Variants in RBP2 observed in about 807,000 individuals in gnomAD.
RBP2 encodes retinol binding protein 2.
A neutral mutation model predicts 17.0 loss-of-function variants in RBP2; 17 were observed. The ratio of observed to expected loss-of-function variants is 1.00; its 90% CI spans 0.68 to 1.50. The LOEUF is 1.50. Ranked by LOEUF, RBP2 falls within the 40% of genes most tolerant of loss-of-function variation. The pLI is 0.00. For missense variants in RBP2, 158 were observed against 168.2 expected (o/e 0.94, Z 0.33); for synonymous variants, 48 against 57.1 (o/e 0.84, Z 0.72).
intron 1 of RBP2, among the ~76,000 whole-genome samples, chr3:139,467,065 A>T (rs1277230958): frequency 6.6e-6 from 1 of 152,164 alleles, no homozygotes; most frequent in Admixed American, 6.5e-5. Context: ...CTCTATGAGG[A>T]CAAGGACAAT....
chr3:139,476,393 C>G lies in RBP2; in HGVS notation c.67G>C (p.Ala23Pro), dbSNP rs147339826. The G allele has an allele frequency of 6.2e-7, 1 of 1,613,810 alleles. No individual in the cohort carries two copies. The highest frequency in any genetic ancestry group is 1.3e-5 in the African/African-American group (1 of 74,886). ...TCCCCAGTCTCCTCCTTACCCAGGGCCTTCATGTAGCCCTCAAAGTTTTCA... is the reference window on the plus strand; with the variant it reads ...TCCCCAGTCTCCTCCTTACCCAGGGGCTTCATGTAGCCCTCAAAGTTTTCA... ...SNENFEGYMK[A>P]LDIDFATRKI... The change falls in exon 1 of 4, where the codon GCC becomes CCC. Residue 23 changes from alanine to proline, a missense_variant. Physicochemically the swap from Ala to Pro is conservative, Grantham distance 27 (BLOSUM62 -1). Coordinates refer to ENST00000232217, the MANE Select transcript of RBP2 (RefSeq NM_004164.3).
At chr3:139,474,223 T>TACAAAGCCA (rs1933654706) in intron 1 of RBP2, among the ~76,000 whole-genome samples, 1 of 152,236 alleles carries the variant, frequency 6.6e-6, no homozygotes, top group Non-Finnish European at 1.5e-5. Flanking sequence ...GTGAGCCCCT[T>TACAAAGCCA]ACTCACATTA....
chr3:139,462,342 C>A, intron 1 of RBP2, 52 bp from the exon 2 acceptor site: 1 of 1,569,370 alleles, frequency 6.4e-7, no homozygotes, highest in Non-Finnish European at 8.8e-7. Flanking sequence ...CAGACTCATT[C>A]ATTTCGTTAA....
chr3:139,471,149 A>G (rs950781548), intron 1 of RBP2, among the ~76,000 whole-genome samples: 1 of 152,172 alleles, frequency 6.6e-6, no homozygotes, highest in African/African-American at 2.4e-5. Context: ...CTCATTTCCC[A>G]CTATATCTCC....
At chr3:139,469,738 T>C (rs1428506982) in intron 1 of RBP2, among the ~76,000 whole-genome samples, 2 of 151,978 alleles carry the variant, frequency 1.3e-5, no homozygotes, top group African/African-American at 2.4e-5. Flanking sequence ...TCTATCTACC[T>C]ACTCATTTTC....
At chr3:139,457,602 TA>T (rs1933019230) in intron 2 of RBP2, among the ~76,000 whole-genome samples, 1 of 152,208 alleles carries the variant, frequency 6.6e-6, no homozygotes, top group Non-Finnish European at 1.5e-5. Context: ...TACTCCTATA[TA>T]AAAATAAGAA....
rs142708348 is a variant in RBP2 at position 139,462,132 on chromosome 3, G to A, written c.232C>T (p.Leu78=). Residue 78 remains leucine, a synonymous_variant, in exon 2 of 4, where the codon CTG becomes TTG. Transcript: ENST00000232217. The part of the protein sequence containing the change: ...GVEFDEYTKS[L]DNRHVKALVT... ...AGTACCTTAACATGCCGGTTATCCAGGCTCTTTGTGTACTCGTCAAACTCT... is the reference window on the plus strand; with the variant it reads ...AGTACCTTAACATGCCGGTTATCCAAGCTCTTTGTGTACTCGTCAAACTCT... The A allele has an allele frequency of 1.9e-5, 31 of 1,614,020 alleles. No homozygotes were observed. In the African/African-American group the frequency reaches 3.7e-4, roughly 19 times the overall value.
chr3:139,462,352 A>G, intron 1 of RBP2, 62 bp from the exon 2 acceptor site: 1 of 1,508,230 alleles, frequency 6.6e-7, no homozygotes, highest in South Asian at 1.2e-5. Flanking sequence ...CATTTCGTTA[A>G]CAAGACCAAA....
rs1197326461 is a variant in RBP2, at chr3:139,476,378, C to T, written c.73+9G>A. ...CAGCTACCCTCCCCATCCCCAGTCT[C>T]CTCCTTACCCAGGGCCTTCATGTAG... On this transcript the variant is annotated intron_variant, in intron 1 of 3. Coordinates refer to ENST00000232217, the MANE Select transcript of RBP2 (RefSeq NM_004164.3). 2 of 1,613,190 alleles carry T rather than the reference C, an allele frequency of 1.2e-6. No individual in the cohort carries two copies. Among genetic ancestry groups the T allele is most frequent in the East Asian group, 4.5e-5 (2 of 44,858 alleles).
intron 1 of RBP2, among the ~76,000 whole-genome samples, chr3:139,473,926 G>T (rs1215358664): frequency 6.6e-6 from 1 of 152,124 alleles, no homozygotes; most frequent in Admixed American, 6.6e-5. Context: ...TCAGCATCTG[G>T]GTAAACCAGG....
chr3:139,470,348 TG>T (rs1933521472), intron 1 of RBP2, among the ~76,000 whole-genome samples: 1 of 152,096 alleles, frequency 6.6e-6, no homozygotes, highest in Non-Finnish European at 1.5e-5. Context: ...GCAAAATATA[TG>T]CTGAATCTGT....
intron 1 of RBP2, among the ~76,000 whole-genome samples, chr3:139,474,141 T>G (rs547821460): frequency 6.6e-6 from 1 of 152,340 alleles, no homozygotes; most frequent in South Asian, 2.1e-4. Flanking sequence ...AAATATTTGA[T>G]GCCAAGGAGC....
At position 139,470,019 on chromosome 3, in the gene RBP2, C is replaced by T. The variant is rs111605496; in HGVS notation, c.73+6368G>A. Among the ~76,000 whole-genome samples, 4 of 152,290 alleles carry T rather than the reference C, an allele frequency of 2.6e-5. No individual in the cohort carries two copies. In the South Asian group the frequency reaches 6.2e-4, roughly 24 times the overall value. ...TCTCTGGATTCCTCACCCCATAAAA[C>T]GGAAGGCATTTCTTCTGAATTTATC... On this transcript the variant is annotated intron_variant, in intron 1 of 3. Coordinates refer to ENST00000232217, the MANE Select transcript of RBP2 (RefSeq NM_004164.3).
At chr3:139,476,358 A>G (rs1019715166) in intron 1 of RBP2, 29 bp downstream of exon 1, 16 of 1,598,972 alleles carry the variant, frequency 1.0e-5, no homozygotes, top group Non-Finnish European at 1.4e-5. Context: ...AACAACAGCT[A>G]CCCTCCCCAT....
At chr3:139,462,387 G>T in intron 1 of RBP2, 97 bp from the exon 2 acceptor site, 3 of 1,249,804 alleles carry the variant, frequency 2.4e-6, no homozygotes, top group Non-Finnish European at 3.5e-6. Flanking sequence ...GACACAGATT[G>T]TGTGTAGGCC....
intron 1 of RBP2, among the ~76,000 whole-genome samples, chr3:139,473,887 A>G (rs1933643892): frequency 6.6e-6 from 1 of 152,104 alleles, no homozygotes; most frequent in African/African-American, 2.4e-5. Context: ...GGCAGGAGCA[A>G]GTTTCTGGGG....
chr3:139,474,856 C>T (rs1933680781), intron 1 of RBP2, among the ~76,000 whole-genome samples: 1 of 152,110 alleles, frequency 6.6e-6, no homozygotes, highest in South Asian at 2.1e-4. Context: ...TATCAGAATC[C>T]CATTTCTATT....
intron 2 of RBP2, among the ~76,000 whole-genome samples, chr3:139,460,270 A>G (rs572437678): frequency 8.2e-4 from 125 of 152,334 alleles, no homozygotes; most frequent in African/African-American, 3.0e-3. Context: ...AGGTTCAGAA[A>G]AGGCTTGTTG....
intron 2 of RBP2, among the ~76,000 whole-genome samples, chr3:139,457,827 A>G (rs1290704087): frequency 2.0e-5 from 3 of 152,322 alleles, no homozygotes; most frequent in Non-Finnish European, 2.9e-5. Flanking sequence ...ATAGCTGTAC[A>G]CAGAATTGAA....
Sources: gnomAD v4.1 joint callset for allele counts (sites outside exome capture counted in the v4.1 genomes callset) on GRCh38, gnomAD v4.1.1 for gene constraint, MANE v1.5 for transcripts, NCBI Gene and HGNC (gene_info 2026-07-23, HGNC 2026-07-21) for gene names.